The following DEPDC1B variants were observed in gnomAD, a reference collection of about 807,000 sequenced individuals.
DEPDC1B encodes the protein DEP domain-containing protein 1B.
In DEPDC1B, 51 loss-of-function variants were observed where a neutral mutation model predicts 66.5. The ratio of observed to expected loss-of-function variants is 0.77; its 90% confidence interval spans 0.61 to 0.97. The LOEUF (loss-of-function observed/expected upper bound fraction) is 0.97. Among genes scored for constraint, DEPDC1B ranks in the 50% least tolerant of loss-of-function variants. DEPDC1B has a pLI of 0.00. For synonymous variants in DEPDC1B, 226 were observed against 223.6 expected, an observed-to-expected ratio of 1.01 and a Z score of -0.10; for missense variants, 552 against 637.1, an observed-to-expected ratio of 0.87 and a Z score of 1.44.
intron 1 of DEPDC1B, among the ~76,000 whole-genome samples, chr5:60,698,652 C>A (rs1045823405): frequency 6.7e-5 from 10 of 149,846 alleles, no homozygotes; most frequent in African/African-American, 2.5e-4. Flanking sequence ...GTCACAGACT[C>A]TCCCAATCTC....
At chr5:60,605,545 G>T in intron 8 of DEPDC1B, 145 bp downstream of exon 8, 1 of 781,946 alleles carries the variant, frequency 1.3e-6, no homozygotes, top group Non-Finnish European at 1.9e-6. Flanking sequence ...TAGAACAAAA[G>T]CACGACACAA....
At chr5:60,666,692 G>T (rs1000193614) in intron 2 of DEPDC1B, among the ~76,000 whole-genome samples, 14 of 152,172 alleles carry the variant, frequency 9.2e-5, no homozygotes, top group Admixed American at 9.2e-4. Context: ...AGTGGACTCT[G>T]TGAGGGTCCT....
At chr5:60,653,851 T>C (rs1359218749) in intron 2 of DEPDC1B, among the ~76,000 whole-genome samples, 1 of 144,944 alleles carries the variant, frequency 6.9e-6, no homozygotes, top group Non-Finnish European at 1.5e-5. Context: ...GCACCATTTG[T>C]TGAATAGGGT....
intron 2 of DEPDC1B, 29 bp from the exon 3 acceptor site, chr5:60,647,562 C>T: frequency 6.2e-7 from 1 of 1,607,566 alleles, no homozygotes; most frequent in African/African-American, 1.3e-5. Flanking sequence ...TTCTCTATTA[C>T]TGCAGTCAGT....
At chr5:60,658,162 GCTAT>G (rs1163000451) in intron 2 of DEPDC1B, among the ~76,000 whole-genome samples, 1 of 151,978 alleles carries the variant, frequency 6.6e-6, no homozygotes, top group South Asian at 2.1e-4. Context: ...TTTTATTTAT[GCTAT>G]CTGTTTCTCT....
chr5:60,643,578 G>C (rs973773239), intron 5 of DEPDC1B, among the ~76,000 whole-genome samples: 2 of 152,154 alleles, frequency 1.3e-5, no homozygotes, highest in African/African-American at 4.8e-5. Flanking sequence ...TAATGAACTG[G>C]AGTCTTGTAA....
At chr5:60,632,789 G>A (rs1752954867) in intron 7 of DEPDC1B, among the ~76,000 whole-genome samples, 1 of 152,236 alleles carries the variant, frequency 6.6e-6, no homozygotes, top group Admixed American at 6.5e-5. Context: ...CTCCACAGCT[G>A]TGGGGATAAT....
At chr5:60,657,146 CT>C (rs1212914473) in intron 2 of DEPDC1B, among the ~76,000 whole-genome samples, 1 of 152,184 alleles carries the variant, frequency 6.6e-6, no homozygotes, top group African/African-American at 2.4e-5. Context: ...CATGGAATAT[CT>C]TTTTCTACCC....
intron 1 of DEPDC1B, among the ~76,000 whole-genome samples, chr5:60,699,442 A>AG (rs1754727575): frequency 2.4e-5 from 1 of 41,284 alleles, no homozygotes; most frequent in Admixed American, 3.2e-4. Flanking sequence ...CTTTTCTCCC[A>AG]GAAAAAAAAA....
intron 2 of DEPDC1B, among the ~76,000 whole-genome samples, chr5:60,685,551 A>T (rs570528443): frequency 6.6e-6 from 1 of 152,264 alleles, no homozygotes; most frequent in South Asian, 2.1e-4. Context: ...TTGAAGTGAA[A>T]CATGTTCTGG....
chr5:60,679,118 T>C (rs1754234315), intron 2 of DEPDC1B, among the ~76,000 whole-genome samples: 1 of 152,234 alleles, frequency 6.6e-6, no homozygotes, highest in Admixed American at 6.5e-5. Flanking sequence ...CATGGATGGA[T>C]GCCCAATTAT....
intron 7 of DEPDC1B, among the ~76,000 whole-genome samples, chr5:60,615,034 GC>G (rs748257319): frequency 6.6e-6 from 1 of 152,116 alleles, no homozygotes; most frequent in Non-Finnish European, 1.5e-5. Flanking sequence ...GCTATTATGA[GC>G]AAAGTTATGA....
chr5:60,618,610 G>T (rs1216828247), intron 7 of DEPDC1B, among the ~76,000 whole-genome samples: 1 of 152,174 alleles, frequency 6.6e-6, no homozygotes, highest in East Asian at 1.9e-4. Flanking sequence ...TCTCTGAATA[G>T]ACCAATAACA....
rs190950359 is a variant in DEPDC1B, at chr5:60,644,900, T to C, written c.579-25A>G. On this transcript the variant is annotated intron_variant, in intron 4 of 10. Transcript: ENST00000265036. The stretch of plus-strand genomic sequence containing the variant: ...GCTAAAAGATAAGTAATTATATTAA[T>C]TAGTTCTGTCTTTAATATTATATTT... 3.4e-3 allele frequency: 5,197 copies of C among 1,531,898 alleles called. 33 individuals are homozygous for C. Among genetic ancestry groups the C allele is most frequent in the Non-Finnish European group, 3.0e-3 (3,403 of 1,124,652 alleles). 94.9% of individuals were successfully genotyped at this position (1,531,898 alleles called of 1,614,324 possible). A position where few individuals can be genotyped will look rare whatever the true frequency, so the allele number is the denominator to read the frequency against.
chr5:60,689,174 A>C (rs1250047379), intron 1 of DEPDC1B: 2 of 405,816 alleles, frequency 4.9e-6, no homozygotes, highest in African/African-American at 4.1e-5. Flanking sequence ...GTTTCCTTCC[A>C]CTACAAGATG....
intron 2 of DEPDC1B, among the ~76,000 whole-genome samples, chr5:60,649,087 T>C (rs1449867054): frequency 1.3e-5 from 2 of 152,210 alleles, no homozygotes; most frequent in Non-Finnish European, 2.9e-5. Context: ...CCTCTGTTTA[T>C]TCTCCCACTT....
At chr5:60,640,300 C>G (rs912372837) in intron 6 of DEPDC1B, among the ~76,000 whole-genome samples, 1 of 152,108 alleles carries the variant, frequency 6.6e-6, no homozygotes, top group African/African-American at 2.4e-5. Context: ...GAATTACTCC[C>G]TGTCAGGATA....
intron 2 of DEPDC1B, among the ~76,000 whole-genome samples, chr5:60,661,852 G>A (rs1313617838): frequency 6.6e-6 from 1 of 152,196 alleles, no homozygotes; most frequent in Non-Finnish European, 1.5e-5. Flanking sequence ...ATCAGAACAT[G>A]GAGATTGGTG....
chr5:60,666,875 G>A (rs1164102797), intron 2 of DEPDC1B, among the ~76,000 whole-genome samples: 1 of 152,280 alleles, frequency 6.6e-6, no homozygotes, highest in East Asian at 1.9e-4. Context: ...ACACATTTGT[G>A]AGCAGAGAAA....
Sources: gnomAD v4.1 joint callset for allele counts (sites outside exome capture counted in the v4.1 genomes callset) on GRCh38, gnomAD v4.1.1 for gene constraint, MANE v1.5 for transcripts, NCBI Gene and HGNC (gene_info 2026-07-23, HGNC 2026-07-21) for gene names.